Variants in PDE4D observed in about 807,000 individuals in gnomAD.
PDE4D encodes phosphodiesterase 4D, also known as 3',5'-cyclic-AMP phosphodiesterase 4D.
Under a neutral mutation model 87.4 loss-of-function variants are expected in PDE4D, and 24 were observed. The observed-to-expected ratio is 0.27, with a 90% CI of 0.20 to 0.39. The LOEUF is 0.39. PDE4D is among the 10% of genes least tolerant of loss of function. The pLI, the probability that PDE4D is intolerant of heterozygous loss-of-function variation, is 1.00. For missense variants in PDE4D, 714 were observed against 1,041.0 expected (o/e 0.69, Z 4.32); for synonymous variants, 384 against 383.2 (o/e 1.00, Z -0.02).
At chr5:60,170,628 T>A (rs1783339456) in intron 2 of PDE4D, among the ~76,000 whole-genome samples, 1 of 151,948 alleles carries the variant, frequency 6.6e-6, no homozygotes, top group African/African-American at 2.4e-5. Context: ...ATGAGGCCTC[T>A]GTACACAAAA....
At chr5:59,472,743 G>C (rs1449562859) in intron 1 of PDE4D, among the ~76,000 whole-genome samples, 1 of 151,998 alleles carries the variant, frequency 6.6e-6, no homozygotes, top group Non-Finnish European at 1.5e-5. Context: ...TTATGCTGGA[G>C]ACAGCTGGCT....
At chr5:60,154,543 G>T (rs1447853893) in intron 2 of PDE4D, among the ~76,000 whole-genome samples, 2 of 152,096 alleles carry the variant, frequency 1.3e-5, no homozygotes, top group Non-Finnish European at 2.9e-5. Flanking sequence ...CAAAGTGCTG[G>T]GATTACAGGC....
chr5:59,364,197 G>A (rs1782681027), intron 1 of PDE4D, among the ~76,000 whole-genome samples: 1 of 152,126 alleles, frequency 6.6e-6, no homozygotes, highest in African/African-American at 2.4e-5. Flanking sequence ...TACACAATTA[G>A]GCTATTATTA....
intron 1 of PDE4D, among the ~76,000 whole-genome samples, chr5:59,669,159 G>T (rs1354473063): frequency 6.6e-6 from 1 of 152,116 alleles, no homozygotes; most frequent in Admixed American, 6.6e-5. Context: ...GCAATGGCAC[G>T]ATCTTGGCTC....
intron 3 of PDE4D, among the ~76,000 whole-genome samples, chr5:59,951,897 T>A (rs1758332192): frequency 6.6e-6 from 1 of 152,208 alleles, no homozygotes; most frequent in African/African-American, 2.4e-5. Context: ...ACATCTCTGT[T>A]ATTCCCTCAA....
intron 1 of PDE4D, among the ~76,000 whole-genome samples, chr5:59,885,360 C>T (rs370119738): frequency 6.6e-6 from 1 of 152,074 alleles, no homozygotes; most frequent in South Asian, 2.1e-4. Context: ...TGGGGATTGT[C>T]ATTTTTAAAT....
intron 1 of PDE4D, among the ~76,000 whole-genome samples, chr5:59,335,586 G>A (rs531028461): frequency 5.3e-5 from 8 of 152,260 alleles, no homozygotes; most frequent in African/African-American, 1.4e-4. Flanking sequence ...AAGGCAAAAA[G>A]AAGTAAAAGA....
At chr5:59,384,205 C>G (rs952373806) in intron 1 of PDE4D, among the ~76,000 whole-genome samples, 1 of 152,110 alleles carries the variant, frequency 6.6e-6, no homozygotes, top group African/African-American at 2.4e-5. Flanking sequence ...TGCGCCAAGC[C>G]CTATTTTATT....
intron 2 of PDE4D, among the ~76,000 whole-genome samples, chr5:60,112,974 G>A (rs796200283): frequency 5.3e-5 from 8 of 152,178 alleles, no homozygotes; most frequent in African/African-American, 1.9e-4. Flanking sequence ...GGTGAGGGTT[G>A]GGCATCCAAT....
intron 1 of PDE4D, among the ~76,000 whole-genome samples, chr5:59,256,726 T>C (rs1407823536): frequency 1.3e-5 from 2 of 152,086 alleles, no homozygotes; most frequent in Non-Finnish European, 2.9e-5. Context: ...AGTGATTCTA[T>C]TTAGCTGCAT....
At chr5:59,929,448 G>C (rs2962202) in intron 3 of PDE4D, among the ~76,000 whole-genome samples, 1 of 151,794 alleles carries the variant, frequency 6.6e-6, no homozygotes, top group Non-Finnish European at 1.5e-5. Context: ...ACTTTAAAAA[G>C]TAGCCTTTGG....
chr5:60,265,854 T>C (rs1750151693), intron 1 of PDE4D, among the ~76,000 whole-genome samples: 1 of 152,158 alleles, frequency 6.6e-6, no homozygotes, highest in Admixed American at 6.5e-5. Flanking sequence ...GGTGATTCTT[T>C]GAAGCAGCCT....
chr5:59,566,283 C>T (rs1259619196), intron 1 of PDE4D, among the ~76,000 whole-genome samples: 1 of 152,086 alleles, frequency 6.6e-6, no homozygotes, highest in Non-Finnish European at 1.5e-5. Context: ...CCTTATCTCC[C>T]ACCTCTGTGC....
intron 1 of PDE4D, among the ~76,000 whole-genome samples, chr5:59,287,716 C>CAGAG (rs1338678632): frequency 1.2e-4 from 17 of 137,912 alleles, no homozygotes; most frequent in African/African-American, 2.0e-4. Context: ...CAGAGACACA[C>CAGAG]ACAGAGAGAG....
chr5:59,923,441 C>G (rs537838632), intron 3 of PDE4D, among the ~76,000 whole-genome samples: 42 of 152,308 alleles, frequency 2.8e-4, no homozygotes, highest in Non-Finnish European at 5.0e-4. Context: ...TGACCCAGCG[C>G]CATCCCAGTG....
chr5:60,055,818 T>C (rs1251765728), intron 2 of PDE4D, among the ~76,000 whole-genome samples: 1 of 151,922 alleles, frequency 6.6e-6, no homozygotes, highest in Non-Finnish European at 1.5e-5. Context: ...CTCTCTTTCA[T>C]ACTACAGGTT....
Position 58,993,352 on chromosome 5 carries a change from T to C in PDE4D, c.1015+20A>G. The C allele has an allele frequency of 7.2e-7, 1 of 1,396,526 alleles. No homozygotes were observed. Among genetic ancestry groups the C allele is most frequent in the Non-Finnish European group, 9.8e-7 (1 of 1,022,762 alleles). 86.5% of individuals were successfully genotyped at this position (1,396,526 alleles called of 1,614,324 possible). On this transcript the variant is annotated intron_variant, in intron 7 of 14. Transcript: ENST00000340635. ...CAAACAACTGAAGAAAAAAATTTAA[T>C]TGCATGTTGTTATTCTCACCTAAGA...
At chr5:60,024,627 C>A (rs574256982) in intron 2 of PDE4D, among the ~76,000 whole-genome samples, 2 of 151,972 alleles carry the variant, frequency 1.3e-5, no homozygotes, top group African/African-American at 4.8e-5. Flanking sequence ...TCCCCAAGCA[C>A]AATTATGGAA....
chr5:59,282,137 T>C (rs1765915663), intron 1 of PDE4D, among the ~76,000 whole-genome samples: 2 of 152,172 alleles, frequency 1.3e-5, no homozygotes, highest in South Asian at 4.1e-4. Flanking sequence ...ATAACTTTAG[T>C]TCTTATTTCA....
Sources: gnomAD v4.1 joint callset for allele counts (sites outside exome capture counted in the v4.1 genomes callset) on GRCh38, gnomAD v4.1.1 for gene constraint, MANE v1.5 for transcripts, NCBI Gene and HGNC (gene_info 2026-07-23, HGNC 2026-07-21) for gene names.